HS6ST3: variants seen among roughly 807,000 people sequenced by gnomAD.
HS6ST3 encodes the protein heparan sulfate 6-O-sulfotransferase 3.
HS6ST3 carries 12 observed loss-of-function variants against 36.7 expected under a neutral mutation model. The observed-to-expected ratio is 0.33, with a 90% CI of 0.21 to 0.53. The LOEUF (loss-of-function observed/expected upper bound fraction) is 0.53. HS6ST3 is among the 20% of genes least tolerant of loss of function. HS6ST3 has a pLI of 0.95. For missense variants in HS6ST3, 584 were observed against 640.9 expected (o/e 0.91, Z 0.96); for synonymous variants, 240 against 257.5 (o/e 0.93, Z 0.65).
intron 1 of HS6ST3, among the ~76,000 whole-genome samples, chr13:96,635,921 G>A (rs768546543): frequency 9.9e-5 from 15 of 152,082 alleles, no homozygotes; most frequent in Non-Finnish European, 1.9e-4. Flanking sequence ...CTCAGCCTAT[G>A]GGAATAAAGC....
chr13:96,142,075 T>A (rs919594958), intron 1 of HS6ST3, among the ~76,000 whole-genome samples: 6 of 146,902 alleles, frequency 4.1e-5, no homozygotes, highest in African/African-American at 1.5e-4. Context: ...GGGAGGTGAA[T>A]GTTTTCAAAA....
chr13:96,100,051 A>G (rs1424981326), intron 1 of HS6ST3, among the ~76,000 whole-genome samples: 2 of 152,192 alleles, frequency 1.3e-5, no homozygotes, highest in African/African-American at 4.8e-5. Flanking sequence ...TAAAGTGTAA[A>G]TTGGAAGAAT....
rs1411980456 is a variant in HS6ST3, at chr13:96,209,739, A to G, written c.707+118170A>G. Among the ~76,000 whole-genome samples, 4 of 152,114 alleles carry G rather than the reference A, an allele frequency of 2.6e-5. No individual in the cohort carries two copies. The East Asian group carries it at 5.8e-4, about 22-fold the overall frequency. On this transcript the variant is annotated intron_variant, in intron 1 of 1. Coordinates refer to ENST00000376705, the MANE Select transcript of HS6ST3 (RefSeq NM_153456.4). ...CCAGCCTAGGGGGATTGTACTTGCT[A>G]TTACTGCTGTTAGCCATCCTTATAC...
intron 1 of HS6ST3, among the ~76,000 whole-genome samples, chr13:96,217,151 G>C (rs115167449): frequency 6.6e-6 from 1 of 152,256 alleles, no homozygotes; most frequent in Admixed American, 6.5e-5. Context: ...CCAGGGGTCC[G>C]GAAAGAAGCA....
At chr13:96,406,905 T>A (rs1402176912) in intron 1 of HS6ST3, among the ~76,000 whole-genome samples, 1 of 29,862 alleles carries the variant, frequency 3.3e-5, no homozygotes, top group Non-Finnish European at 8.3e-5. Context: ...TCAACTTTTA[T>A]TAAACATTTT....
chr13:96,202,850 C>T (rs1037258834), intron 1 of HS6ST3, among the ~76,000 whole-genome samples: 2 of 152,290 alleles, frequency 1.3e-5, no homozygotes, highest in East Asian at 1.9e-4. Flanking sequence ...CAGTTCTGCT[C>T]TTTGTTATTG....
chr13:96,736,881 C>A (rs1876298608), intron 1 of HS6ST3, among the ~76,000 whole-genome samples: 1 of 151,844 alleles, frequency 6.6e-6, no homozygotes, highest in African/African-American at 2.4e-5. Context: ...AAATCAAAAC[C>A]CAAACTGTAA....
chr13:96,591,741 A>C (rs1319977320), intron 1 of HS6ST3, among the ~76,000 whole-genome samples: 4 of 151,998 alleles, frequency 2.6e-5, no homozygotes, highest in Admixed American at 6.6e-5. Flanking sequence ...ATATGTAATA[A>C]TGGTAGAAAA....
intron 1 of HS6ST3, among the ~76,000 whole-genome samples, chr13:96,140,386 C>G (rs1431256383): frequency 6.6e-6 from 1 of 152,124 alleles, no homozygotes; most frequent in Admixed American, 6.6e-5. Flanking sequence ...CTGTTCATCT[C>G]TCTGGTAAAT....
intron 1 of HS6ST3, among the ~76,000 whole-genome samples, chr13:96,479,115 A>C (rs78947467): frequency 0.058 from 8,899 of 152,280 alleles, 300 homozygotes; most frequent in Middle Eastern, 0.11. Flanking sequence ...ACAGGTGATT[A>C]TATATCCTGA....
At position 96,161,713 on chromosome 13, in the gene HS6ST3, A is replaced by G. The variant is rs983812873; in HGVS notation, c.707+70144A>G. ...AGAGAAATATTTAAAAGGAATGATTATAAAACCAACAAATTCATATCTGTG... is the reference window on the plus strand; with the variant it reads ...AGAGAAATATTTAAAAGGAATGATTGTAAAACCAACAAATTCATATCTGTG... On this transcript the variant is annotated intron_variant, in intron 1 of 1. Transcript: ENST00000376705. Among the ~76,000 whole-genome samples the G allele has an allele frequency of 1.1e-4, 16 of 152,252 alleles. No individual in the cohort carries two copies. The East Asian group carries it at 3.1e-3, about 29-fold the overall frequency.
chr13:96,573,372 G>A lies in HS6ST3; in HGVS notation c.708-259118G>A, dbSNP rs148350262. Among the ~76,000 whole-genome samples, 1,464 of 152,260 alleles carry A rather than the reference G, an allele frequency of 9.6e-3. 11 individuals are homozygous for A. Among genetic ancestry groups the A allele is most frequent in the Middle Eastern group, 0.017 (5 of 294 alleles). On this transcript the variant is annotated intron_variant, in intron 1 of 1. Coordinates refer to ENST00000376705, the MANE Select transcript of HS6ST3 (RefSeq NM_153456.4). Reference sequence around the variant, plus strand: ...TCAAAACTTTTGGGCCTATGGGCCTGCTTTTCTCAGGAGCCCACAGCCAGA... The same window carrying A: ...TCAAAACTTTTGGGCCTATGGGCCTACTTTTCTCAGGAGCCCACAGCCAGA...
At chr13:96,829,585 G>A (rs565226323) in intron 1 of HS6ST3, among the ~76,000 whole-genome samples, 63 of 152,130 alleles carry the variant, frequency 4.1e-4, no homozygotes, top group Non-Finnish European at 2.9e-4. Context: ...TGCAGTATTT[G>A]GTTTTCTGTG....
intron 1 of HS6ST3, among the ~76,000 whole-genome samples, chr13:96,460,674 A>C (rs2055779673): frequency 6.6e-6 from 1 of 152,192 alleles, no homozygotes. Flanking sequence ...TTTACACTTA[A>C]TAGTAAACTG....
chr13:96,510,265 T>A (rs1335632156), intron 1 of HS6ST3, among the ~76,000 whole-genome samples: 9 of 152,126 alleles, frequency 5.9e-5, no homozygotes, highest in Admixed American at 3.3e-4. Context: ...CAATTTTTTT[T>A]ATCAAACCTA....
chr13:96,459,190 G>A (rs1327250715), intron 1 of HS6ST3, among the ~76,000 whole-genome samples: 1 of 151,042 alleles, frequency 6.6e-6, no homozygotes, highest in East Asian at 1.9e-4. Context: ...AGAGGCACTG[G>A]GATGTGGTAG....
intron 1 of HS6ST3, among the ~76,000 whole-genome samples, chr13:96,331,638 T>G (rs368611025): frequency 1.2e-4 from 18 of 152,216 alleles, no homozygotes; most frequent in East Asian, 1.9e-4. Context: ...CTTTTTGTTT[T>G]TCTGTGCCCT....
At chr13:96,313,213 G>A (rs1032785460) in intron 1 of HS6ST3, among the ~76,000 whole-genome samples, 1 of 151,818 alleles carries the variant, frequency 6.6e-6, no homozygotes, top group Non-Finnish European at 1.5e-5. Flanking sequence ...TCTTGCTCTT[G>A]CTTTCTATTA....
chr13:96,184,355 C>A (rs959973362), intron 1 of HS6ST3, among the ~76,000 whole-genome samples: 6 of 152,072 alleles, frequency 3.9e-5, no homozygotes, highest in Non-Finnish European at 5.9e-5. Flanking sequence ...TCCTCGCTAA[C>A]TCAATTATCT....
Sources: gnomAD v4.1 joint callset for allele counts (sites outside exome capture counted in the v4.1 genomes callset) on GRCh38, gnomAD v4.1.1 for gene constraint, MANE v1.5 for transcripts, NCBI Gene and HGNC (gene_info 2026-07-23, HGNC 2026-07-21) for gene names.